TMEM132D: variants seen among roughly 807,000 people sequenced by gnomAD.
TMEM132D encodes transmembrane protein 132D.
Under a neutral mutation model 62.3 loss-of-function variants are expected in TMEM132D, and 21 were observed. That is an observed-to-expected ratio of 0.34 (90% CI 0.24 to 0.49). TMEM132D has a LOEUF of 0.49. Ranked by LOEUF, TMEM132D falls within the 20% of genes least tolerant of loss-of-function variation. The probability of loss-of-function intolerance (pLI) is 0.99; values close to 1 mark genes in which losing one functional copy is unlikely to be tolerated. For synonymous variants in TMEM132D, 621 were observed against 575.6 expected (o/e 1.08, Z -1.13); for missense variants, 1,346 against 1,402.8 (o/e 0.96, Z 0.65).
chr12:129,366,479 C>T (rs57991065), intron 3 of TMEM132D, among the ~76,000 whole-genome samples: 15,994 of 152,112 alleles, frequency 0.11, 890 homozygotes, highest in African/African-American at 0.13. Flanking sequence ...GAAAGCTTCC[C>T]GAGACCTCCC....
chr12:129,220,260 C>A (rs893959103), intron 4 of TMEM132D, among the ~76,000 whole-genome samples: 7 of 152,054 alleles, frequency 4.6e-5, no homozygotes, highest in Non-Finnish European at 7.4e-5. Context: ...AGAAAGCTTA[C>A]AAATCAGACA....
chr12:129,086,199 C>CGTGTGT (rs370714970), intron 5 of TMEM132D, among the ~76,000 whole-genome samples: 10,083 of 115,838 alleles, frequency 0.087, 435 homozygotes, highest in Middle Eastern at 0.12. Flanking sequence ...GTCACGCGCG[C>CGTGTGT]GCGTGTGTGT....
intron 4 of TMEM132D, among the ~76,000 whole-genome samples, chr12:129,258,648 T>C (rs1316503297): frequency 6.6e-6 from 1 of 152,226 alleles, no homozygotes; most frequent in Non-Finnish European, 1.5e-5. Context: ...TCACGTAATA[T>C]GTGTGGCTGG....
intron 2 of TMEM132D, among the ~76,000 whole-genome samples, chr12:129,589,345 C>A (rs1035806490): frequency 6.6e-6 from 1 of 152,106 alleles, no homozygotes; most frequent in Non-Finnish European, 1.5e-5. Context: ...GTGAGGCCTC[C>A]CCAGTCACGT....
chr12:129,659,944 G>A (rs1880193386), intron 2 of TMEM132D, among the ~76,000 whole-genome samples: 1 of 152,144 alleles, frequency 6.6e-6, no homozygotes, highest in Non-Finnish European at 1.5e-5. Flanking sequence ...GGATTACCAG[G>A]AGGCACTGAT....
intron 4 of TMEM132D, among the ~76,000 whole-genome samples, chr12:129,271,440 C>T (rs932404815): frequency 2.6e-5 from 4 of 151,520 alleles, no homozygotes; most frequent in Non-Finnish European, 5.9e-5. Context: ...ATGTGCAGAA[C>T]ATGCAGGTTT....
At chr12:129,512,457 C>T (rs188133903) in intron 3 of TMEM132D, among the ~76,000 whole-genome samples, 4 of 152,118 alleles carry the variant, frequency 2.6e-5, no homozygotes, top group African/African-American at 4.8e-5. Flanking sequence ...AGCACAGAGA[C>T]GAACAAGATG....
chr12:129,868,602 T>G (rs1874137410), intron 1 of TMEM132D, among the ~76,000 whole-genome samples: 1 of 152,156 alleles, frequency 6.6e-6, no homozygotes, highest in African/African-American at 2.4e-5. Flanking sequence ...CCTGAGTTGA[T>G]TCAACCCATT....
chr12:129,118,061 C>A (rs192850313), intron 5 of TMEM132D, among the ~76,000 whole-genome samples: 1 of 152,304 alleles, frequency 6.6e-6, no homozygotes, highest in Non-Finnish European at 1.5e-5. Flanking sequence ...TATGCATATA[C>A]CAGCACTTAA....
chr12:129,139,665 G>T (rs938446557), intron 5 of TMEM132D, among the ~76,000 whole-genome samples: 1 of 152,170 alleles, frequency 6.6e-6, no homozygotes, highest in African/African-American at 2.4e-5. Context: ...ACCTGTTGAT[G>T]TCTGCAGATA....
intron 5 of TMEM132D, among the ~76,000 whole-genome samples, chr12:129,163,916 G>A (rs1026441366): frequency 6.6e-6 from 1 of 152,204 alleles, no homozygotes; most frequent in Non-Finnish European, 1.5e-5. Flanking sequence ...TCCCTGGGAA[G>A]AGAAACACTG....
chr12:129,790,735 T>C (rs1351104063), intron 1 of TMEM132D, among the ~76,000 whole-genome samples: 1 of 152,082 alleles, frequency 6.6e-6, no homozygotes, highest in African/African-American at 2.4e-5. Flanking sequence ...GGCTTGAGGG[T>C]CGGGCCCTCA....
intron 5 of TMEM132D, among the ~76,000 whole-genome samples, chr12:129,094,203 C>CT (rs77783831): frequency 0.03 from 4,622 of 152,308 alleles, 290 homozygotes; most frequent in East Asian, 0.17. Flanking sequence ...AACTCAAGAA[C>CT]TTCTGCACAG....
At chr12:129,477,434 T>C (rs924816144) in intron 3 of TMEM132D, among the ~76,000 whole-genome samples, 1 of 152,212 alleles carries the variant, frequency 6.6e-6, no homozygotes, top group Non-Finnish European at 1.5e-5. Flanking sequence ...GTGTCCCTTT[T>C]GCTTTACTTG....
At chr12:129,075,931 C>G (rs983374974) in intron 8 of TMEM132D, among the ~76,000 whole-genome samples, 2 of 152,128 alleles carry the variant, frequency 1.3e-5, no homozygotes, top group African/African-American at 2.4e-5. Flanking sequence ...CCCTCCCTCC[C>G]TCCCTCTCAG....
intron 5 of TMEM132D, among the ~76,000 whole-genome samples, chr12:129,089,722 C>T (rs1293791124): frequency 6.6e-6 from 1 of 152,236 alleles, no homozygotes; most frequent in Non-Finnish European, 1.5e-5. Flanking sequence ...GCTTCCTGCT[C>T]ATCTCACCTA....
rs572997271 is a variant in TMEM132D at position 129,638,158 on chromosome 12, T to C, written c.968+61652A>G. On this transcript the variant is annotated intron_variant, in intron 2 of 8. Coordinates refer to ENST00000422113, the MANE Select transcript of TMEM132D (RefSeq NM_133448.3). ...CCATAGAAATGTCAAAGTGATACAG[T>C]ACAGCAGAAAGAATAGTGGAGAATG... is the stretch of plus-strand genomic sequence containing the variant. Among the ~76,000 whole-genome samples the C allele has an allele frequency of 7.2e-5, 11 of 152,294 alleles. No homozygotes were observed. The South Asian group carries it at 2.1e-3, about 29-fold the overall frequency.
intron 1 of TMEM132D, among the ~76,000 whole-genome samples, chr12:129,709,125 C>T (rs1881578299): frequency 6.6e-6 from 1 of 152,150 alleles, no homozygotes; most frequent in Admixed American, 6.5e-5. Flanking sequence ...ATGGACTGAG[C>T]TGCTGCAAGT....
chr12:129,837,834 G>C (rs533275786), intron 1 of TMEM132D, among the ~76,000 whole-genome samples: 1 of 152,144 alleles, frequency 6.6e-6, no homozygotes, highest in Non-Finnish European at 1.5e-5. Flanking sequence ...AAATGGTTTC[G>C]TGCCACCTGC....
Sources: allele counts gnomAD v4.1 joint callset (sites outside exome capture counted in the v4.1 genomes callset), GRCh38; gene constraint gnomAD v4.1.1; transcripts MANE v1.5; gene names NCBI Gene and HGNC (gene_info 2026-07-23, HGNC 2026-07-21).